Variants in ENTREP2 observed in about 807,000 individuals in gnomAD.
ENTREP2 encodes the protein protein ENTREP2.
chr15:29,563,763 G>A, the ENTREP2 span, among the ~76,000 whole-genome samples: 1 of 151,946 alleles, frequency 6.6e-6, no homozygotes, highest in Non-Finnish European at 1.5e-5. Flanking sequence ...CTTGAACCCG[G>A]GAGGCTGAGG....
At chr15:29,471,876 T>A in the ENTREP2 span, among the ~76,000 whole-genome samples, 3 of 152,152 alleles carry the variant, frequency 2.0e-5, no homozygotes, top group Admixed American at 6.5e-5. Context: ...TTGGGGGCCC[T>A]GATCCAGCAG....
chr15:29,674,265 TTTTTTG>T, the ENTREP2 span, among the ~76,000 whole-genome samples: 1 of 151,882 alleles, frequency 6.6e-6, no homozygotes, highest in East Asian at 1.9e-4. Context: ...CAGAGTTGTT[TTTTTTG>T]TTTTTGTTTT....
chr15:29,162,310 T>C, the ENTREP2 span, among the ~76,000 whole-genome samples: 5 of 152,184 alleles, frequency 3.3e-5, no homozygotes, highest in Non-Finnish European at 5.9e-5. Flanking sequence ...AGAAGCCTCC[T>C]GGCCAGAACT....
chr15:29,157,563 T>C, the ENTREP2 span, among the ~76,000 whole-genome samples: 2 of 152,188 alleles, frequency 1.3e-5, no homozygotes, highest in African/African-American at 4.8e-5. Flanking sequence ...GCTTCTAAAA[T>C]GTCTTAAGGC....
the ENTREP2 span, among the ~76,000 whole-genome samples, chr15:29,671,985 CTTTTTTTG>C: frequency 6.6e-5 from 10 of 152,224 alleles, no homozygotes; most frequent in Admixed American, 5.9e-4. Context: ...TGCAGGGATT[CTTTTTTTG>C]TTTGTTTGTT....
At chr15:29,172,797 G>A in the ENTREP2 span, among the ~76,000 whole-genome samples, 1 of 152,014 alleles carries the variant, frequency 6.6e-6, no homozygotes, top group African/African-American at 2.4e-5. Flanking sequence ...TCCTCCCTGG[G>A]CTCCAGCTCC....
At chr15:29,389,473 G>A in the ENTREP2 span, among the ~76,000 whole-genome samples, 5 of 152,034 alleles carry the variant, frequency 3.3e-5, no homozygotes, top group Non-Finnish European at 5.9e-5. Flanking sequence ...ATGCTTGAGC[G>A]CTTGGAACTG....
chr15:29,585,398 T>A, the ENTREP2 span, among the ~76,000 whole-genome samples: 2 of 152,148 alleles, frequency 1.3e-5, no homozygotes, highest in Non-Finnish European at 2.9e-5. Flanking sequence ...CATGCAGAGA[T>A]GCCCAACATC....
the ENTREP2 span, chr15:29,570,505 C>A: frequency 7.3e-7 from 1 of 1,371,752 alleles, no homozygotes; most frequent in Non-Finnish European, 9.4e-7. Flanking sequence ...GGACACTCAC[C>A]GAGAAGCCTG....
the ENTREP2 span, among the ~76,000 whole-genome samples, chr15:29,198,324 C>T: frequency 2.0e-5 from 3 of 152,160 alleles, no homozygotes; most frequent in South Asian, 4.1e-4. Flanking sequence ...GCAGGAAACC[C>T]GTGGAGCACC....
chr15:29,595,067 C>CACAAAAA, the ENTREP2 span, among the ~76,000 whole-genome samples: 7 of 86,596 alleles, frequency 8.1e-5, no homozygotes, highest in East Asian at 3.0e-3. Context: ...GACTCCGTCT[C>CACAAAAA]AAAAAAAAAA....
At chr15:29,277,181 T>A in the ENTREP2 span, among the ~76,000 whole-genome samples, 23 of 152,016 alleles carry the variant, frequency 1.5e-4, no homozygotes, top group African/African-American at 4.8e-4. Context: ...CCATCTCTAC[T>A]AAAAATACAA....
chr15:29,638,470 G>C, the ENTREP2 span, among the ~76,000 whole-genome samples: 1 of 152,238 alleles, frequency 6.6e-6, no homozygotes, highest in Non-Finnish European at 1.5e-5. Context: ...GCATCTCAGA[G>C]TGCTGAATCA....
chr15:29,633,291 G>A, the ENTREP2 span, among the ~76,000 whole-genome samples: 1 of 152,112 alleles, frequency 6.6e-6, no homozygotes, highest in East Asian at 1.9e-4. Flanking sequence ...GCTTTCCAAG[G>A]TCCCCGAGGC....
chr15:29,441,493 C>T, the ENTREP2 span, among the ~76,000 whole-genome samples: 3 of 152,328 alleles, frequency 2.0e-5, no homozygotes, highest in Admixed American at 1.3e-4. Flanking sequence ...CCAACTTCTA[C>T]AGCATTAAGC....
chr15:29,673,976 A>T, the ENTREP2 span, among the ~76,000 whole-genome samples: 1 of 152,196 alleles, frequency 6.6e-6, no homozygotes, highest in Non-Finnish European at 1.5e-5. Flanking sequence ...TGTTCAGGGC[A>T]ATCCAGGAAA....
the ENTREP2 span, among the ~76,000 whole-genome samples, chr15:29,518,446 TA>T: frequency 1.3e-5 from 2 of 151,622 alleles, no homozygotes; most frequent in Non-Finnish European, 2.9e-5. Flanking sequence ...AAAAAACAAA[TA>T]AAAAAGAAAA....
chr15:29,451,377 C>A, the ENTREP2 span, among the ~76,000 whole-genome samples: 1 of 152,174 alleles, frequency 6.6e-6, no homozygotes, highest in Non-Finnish European at 1.5e-5. Flanking sequence ...GTCTGCAGGA[C>A]CAGGCCAGCA....
chr15:29,523,561 A>ATCT, the ENTREP2 span, among the ~76,000 whole-genome samples: 65 of 78,468 alleles, frequency 8.3e-4, no homozygotes, highest in African/African-American at 3.3e-3. Context: ...TCCCAGCTAG[A>ATCT]TTTTTTTTTT....
Sources: gnomAD v4.1 joint callset for allele counts (sites outside exome capture counted in the v4.1 genomes callset) on GRCh38, gnomAD v4.1.1 for gene constraint, MANE v1.5 for transcripts, NCBI Gene and HGNC (gene_info 2026-07-23, HGNC 2026-07-21) for gene names.